RAB3IL1: variants seen among roughly 807,000 people sequenced by gnomAD.
RAB3IL1 encodes the protein RAB3A interacting protein like 1.
A neutral mutation model predicts 49.2 loss-of-function variants in RAB3IL1; 37 were observed. The observed-to-expected ratio is 0.75, with a 90% CI of 0.58 to 0.99. The LOEUF (loss-of-function observed/expected upper bound fraction) is 0.99. RAB3IL1 is among the 50% of genes least tolerant of loss of function. The pLI, the probability that RAB3IL1 is intolerant of heterozygous loss-of-function variation, is 0.00. For synonymous variants in RAB3IL1, 193 were observed against 213.9 expected (o/e 0.90, Z 0.85); for missense variants, 484 against 513.0 (o/e 0.94, Z 0.55).
Position 61,907,373 on chromosome 11 carries a change from C to T in RAB3IL1, c.438+20G>A. 3.1e-6 allele frequency: 5 copies of T among 1,611,580 alleles called. No homozygotes were observed. Among genetic ancestry groups the T allele is most frequent in the Non-Finnish European group, 4.2e-6 (5 of 1,179,244 alleles). Reference sequence around the variant, plus strand: ...GGGGGGGTGCCTGGGCTGGCCTGGGCAGGCGGGGATGGGCCTCACCTTGCC... The same window carrying T: ...GGGGGGGTGCCTGGGCTGGCCTGGGTAGGCGGGGATGGGCCTCACCTTGCC... On this transcript the variant is annotated intron_variant, in intron 4 of 9. Coordinates refer to ENST00000394836, the MANE Select transcript of RAB3IL1 (RefSeq NM_013401.4).
the RAB3IL1 span, among the ~76,000 whole-genome samples, chr11:61,934,828 T>C: frequency 6.6e-6 from 1 of 152,070 alleles, no homozygotes; most frequent in African/African-American, 2.4e-5. Context: ...TAAGAAAATC[T>C]CTGTCAAGTC....
At chr11:61,903,565 C>G (rs1451238158) in intron 7 of RAB3IL1, among the ~76,000 whole-genome samples, 1 of 151,738 alleles carries the variant, frequency 6.6e-6, no homozygotes, top group Non-Finnish European at 1.5e-5. Context: ...ACTCTGTCAC[C>G]CAGACTGGAG....
chr11:61,941,205 C>T, the RAB3IL1 span, among the ~76,000 whole-genome samples: 1 of 151,660 alleles, frequency 6.6e-6, no homozygotes, highest in Non-Finnish European at 1.5e-5. Context: ...AACTAGATAA[C>T]CTAGATTAAA....
At chr11:61,923,404 C>A (rs550208031), upstream of RAB3IL1, among the ~76,000 whole-genome samples, 2 of 152,302 alleles carry the variant, frequency 1.3e-5, no homozygotes, top group South Asian at 4.1e-4. Flanking sequence ...TGCCCTTCCC[C>A]TGCCTCTGCA....
At chr11:61,913,084 C>T (rs924867942) in intron 1 of RAB3IL1, among the ~76,000 whole-genome samples, 5 of 151,842 alleles carry the variant, frequency 3.3e-5, no homozygotes, top group African/African-American at 1.2e-4. Flanking sequence ...CCGTAGGCAG[C>T]TGAGGGGGAA....
At chr11:61,921,027 G>A (rs1361255391), upstream of RAB3IL1, among the ~76,000 whole-genome samples, 1 of 151,494 alleles carries the variant, frequency 6.6e-6, no homozygotes, top group South Asian at 2.1e-4. Context: ...TTTTTTGTTT[G>A]TTTTTAATTT....
intron 1 of RAB3IL1, among the ~76,000 whole-genome samples, chr11:61,909,139 A>G (rs1939348620): frequency 6.6e-6 from 1 of 152,198 alleles, no homozygotes; most frequent in Non-Finnish European, 1.5e-5. Context: ...CTCACTCAGC[A>G]AAAGCTGGAG....
chr11:61,902,486 C>T lies in RAB3IL1; in HGVS notation c.955G>A (p.Asp319Asn). The change falls in exon 8 of 10, where the codon GAC (aspartate) becomes AAC (asparagine). Residue 319 changes from aspartate to asparagine, a missense_variant. Transcript: ENST00000394836. ...RTCRHRIRLGDSKSHYYISPS... is the reference protein window; with the variant it reads ...RTCRHRIRLGNSKSHYYISPS... ...GAGATGTAGTAATGGCTTTTGGAGT[C>T]CCCGAGCCGGATTCGGTGGCGGCAG... The T allele has an allele frequency of 1.2e-6, 2 of 1,603,420 alleles. No homozygotes were observed. The highest frequency in any genetic ancestry group is 1.3e-5 in the African/African-American group (1 of 75,016).
intron 8 of RAB3IL1, among the ~76,000 whole-genome samples, chr11:61,901,169 T>A (rs7125405): frequency 2.0e-5 from 3 of 152,176 alleles, no homozygotes; most frequent in East Asian, 1.9e-4. Context: ...CCTGCTCCCC[T>A]GCGAGGAGCC....
intron 2 of RAB3IL1, 54 bp from the exon 3 acceptor site, chr11:61,907,714 G>A (rs998130549): frequency 1.0e-4 from 157 of 1,525,520 alleles, no homozygotes; most frequent in Middle Eastern, 1.7e-4. Flanking sequence ...GGCCTGGCAC[G>A]GGAGGGACCA....
At chr11:61,910,136 G>A (rs1213886125) in intron 1 of RAB3IL1, among the ~76,000 whole-genome samples, 9 of 152,238 alleles carry the variant, frequency 5.9e-5, no homozygotes, top group Admixed American at 5.9e-4. Context: ...CACGCAGCTG[G>A]TCAGTGACAG....
At chr11:61,900,355 C>T (rs931721732) in intron 8 of RAB3IL1, among the ~76,000 whole-genome samples, 3 of 152,242 alleles carry the variant, frequency 2.0e-5, no homozygotes, top group African/African-American at 7.2e-5. Context: ...CGCAACAGCC[C>T]CTACTGAATG....
At chr11:61,936,789 A>G in the RAB3IL1 span, among the ~76,000 whole-genome samples, 4 of 152,342 alleles carry the variant, frequency 2.6e-5, no homozygotes, top group African/African-American at 9.6e-5. Context: ...ACCAACAAAC[A>G]AAAGAGGATT....
chr11:61,934,368 A>G, the RAB3IL1 span, among the ~76,000 whole-genome samples: 2 of 147,614 alleles, frequency 1.4e-5, no homozygotes, highest in Non-Finnish European at 3.0e-5. Flanking sequence ...ATATATATAC[A>G]CACAATATAT....
the RAB3IL1 span, among the ~76,000 whole-genome samples, chr11:61,929,179 C>A: frequency 2.0e-5 from 3 of 152,136 alleles, no homozygotes; most frequent in African/African-American, 4.8e-5. Flanking sequence ...CATTACAAAT[C>A]ATCTCTTGTA....
chr11:61,911,111 TG>T (rs903588140), intron 1 of RAB3IL1, among the ~76,000 whole-genome samples: 2 of 152,190 alleles, frequency 1.3e-5, no homozygotes, highest in African/African-American at 4.8e-5. Context: ...TTTTGCCTTG[TG>T]GGGCAGAGTG....
chr11:61,938,589 A>C, the RAB3IL1 span, among the ~76,000 whole-genome samples: 1 of 152,242 alleles, frequency 6.6e-6, no homozygotes, highest in African/African-American at 2.4e-5. Flanking sequence ...TATTTGAAGC[A>C]AAAATGGACA....
the RAB3IL1 span, among the ~76,000 whole-genome samples, chr11:61,930,986 C>T: frequency 5.3e-5 from 8 of 152,136 alleles, no homozygotes; most frequent in African/African-American, 1.9e-4. Context: ...ACACATCTAT[C>T]ATTATGGTGT....
At chr11:61,934,728 T>C in the RAB3IL1 span, among the ~76,000 whole-genome samples, 1 of 151,572 alleles carries the variant, frequency 6.6e-6, no homozygotes, top group East Asian at 1.9e-4. Context: ...CAGTTGTAAA[T>C]TGCCTGGCTT....
Sources: allele counts gnomAD v4.1 joint callset (sites outside exome capture counted in the v4.1 genomes callset), GRCh38; gene constraint gnomAD v4.1.1; transcripts MANE v1.5; gene names NCBI Gene and HGNC (gene_info 2026-07-23, HGNC 2026-07-21).